PAPPA: variants seen among roughly 807,000 people sequenced by gnomAD.
The protein encoded by PAPPA is pappalysin 1, also known as pappalysin-1.
A neutral mutation model predicts 164.0 loss-of-function variants in PAPPA; 60 were observed. The ratio of observed to expected loss-of-function variants is 0.37; its 90% CI spans 0.30 to 0.45. PAPPA has a LOEUF of 0.45. PAPPA is among the 20% of genes least tolerant of loss of function. The pLI is 1.00. For missense variants in PAPPA, 1,782 were observed against 2,087.3 expected (o/e 0.85, Z 2.85); for synonymous variants, 875 against 814.1 (o/e 1.07, Z -1.27).
intron 21 of PAPPA, among the ~76,000 whole-genome samples, chr9:116,394,474 C>A (rs995887767): frequency 6.6e-6 from 1 of 152,144 alleles, no homozygotes; most frequent in African/African-American, 2.4e-5. Context: ...CAACCCAAAC[C>A]TTTTGGCTTT....
intron 7 of PAPPA, among the ~76,000 whole-genome samples, chr9:116,254,482 C>T (rs995718127): frequency 7.9e-5 from 12 of 152,092 alleles, no homozygotes; most frequent in African/African-American, 1.4e-4. Flanking sequence ...TGTGTTTACA[C>T]GTAGAAAGAT....
chr9:116,325,143 T>C (rs1436241867), intron 10 of PAPPA, among the ~76,000 whole-genome samples: 2 of 152,078 alleles, frequency 1.3e-5, no homozygotes, highest in Admixed American at 6.6e-5. Context: ...TTGTGTTGCT[T>C]TGTAATTAAG....
At chr9:116,369,102 T>C (rs1846539170) in intron 19 of PAPPA, among the ~76,000 whole-genome samples, 1 of 152,092 alleles carries the variant, frequency 6.6e-6, no homozygotes, top group Non-Finnish European at 1.5e-5. Context: ...TTTCCTCTTG[T>C]TCTGTCTTCC....
At chr9:116,276,361 A>C (rs908421475) in intron 9 of PAPPA, among the ~76,000 whole-genome samples, 3 of 152,176 alleles carry the variant, frequency 2.0e-5, no homozygotes, top group Admixed American at 2.0e-4. Context: ...GCATTACAGG[A>C]GATGCAGCTG....
intron 9 of PAPPA, chr9:116,287,342 G>A (rs188696749): frequency 1.1e-4 from 17 of 152,306 alleles, no homozygotes; most frequent in African/African-American, 3.9e-4. Context: ...TTCTGGGGGT[G>A]GGTTTCCAGG....
chr9:116,270,799 A>G (rs1845126897), intron 8 of PAPPA, among the ~76,000 whole-genome samples: 1 of 152,164 alleles, frequency 6.6e-6, no homozygotes, highest in Non-Finnish European at 1.5e-5. Flanking sequence ...CCGATGGAGA[A>G]AGCAAAACTT....
chr9:116,154,353 C>T lies in PAPPA; in HGVS notation c.181C>T (p.Pro61Ser). 2 of 837,056 alleles carry T rather than the reference C, an allele frequency of 2.4e-6. No individual in the cohort carries two copies. Among genetic ancestry groups the T allele is most frequent in the Non-Finnish European group, 2.9e-6 (2 of 692,446 alleles). The allele number at this position is 837,056 out of a possible 1,614,324, so 51.9% of individuals were successfully genotyped here. ...CCGCGGCCGCCGCGCCTCGCCGCCGCCGCCGCCGCCGCCGGGCGGTGCCTG... is the reference window on the plus strand; with the variant it reads ...CCGCGGCCGCCGCGCCTCGCCGCCGTCGCCGCCGCCGCCGGGCGGTGCCTG... ...AARGRRASPP[P>S]PPPPGGAWEA... is the part of the protein sequence containing the mutation. Residue 61 changes from proline (P) to serine (S), a missense_variant, in exon 1 of 22, where the codon CCG (proline) becomes TCG (serine). Transcript: ENST00000328252. The surrounding 1 kb of genome is among the most constrained non-coding windows in gnomAD (Gnocchi z 5.2).
At position 116,258,035 on chromosome 9, in the gene PAPPA, A is replaced by G. The variant is rs79602552; in HGVS notation, c.2733-7822A>G. Among the ~76,000 whole-genome samples the G allele has an allele frequency of 7.1e-3, 1,073 of 152,104 alleles. 7 individuals carry two copies. Among genetic ancestry groups the G allele is most frequent in the Non-Finnish European group, 0.011 (753 of 68,008 alleles). On this transcript the variant is annotated intron_variant, in intron 7 of 21. Transcript: ENST00000328252. The stretch of plus-strand genomic sequence containing the variant: ...ATATTGCTAATAAAAAATCATCACC[A>G]TTTTTATAATGAAAGCTTTAAAACT...
intron 1 of PAPPA, among the ~76,000 whole-genome samples, chr9:116,167,466 C>A (rs1299485292): frequency 6.6e-6 from 1 of 152,004 alleles, no homozygotes; most frequent in Non-Finnish European, 1.5e-5. Flanking sequence ...TAAGGAGGAC[C>A]AATTGTGCAC....
rs948287151 is a variant in PAPPA at position 116,340,997 on chromosome 9, CTTGCCCTCTCTT to C, written c.3612-3543_3612-3532del. Among the ~76,000 whole-genome samples the C allele has an allele frequency of 5.1e-4, 77 of 151,840 alleles. 1 individual carries two copies. The highest frequency in any genetic ancestry group is 1.8e-3 in the African/African-American group (74 of 41,378). ...CATTTCTCTCGCTCTTTCTCTCTCT[CTTGCCCTCTCTT>C]TTTTTATTTTTATTTTTTTGTTTTA... is the stretch of plus-strand genomic sequence containing the variant. On this transcript the variant is annotated intron_variant, in intron 13 of 21. Coordinates refer to ENST00000328252, the MANE Select transcript of PAPPA (RefSeq NM_002581.5).
chr9:116,383,434 G>A (rs900839155), intron 21 of PAPPA, among the ~76,000 whole-genome samples: 4 of 152,286 alleles, frequency 2.6e-5, no homozygotes, highest in Admixed American at 2.6e-4. Flanking sequence ...TGCCTAAAGA[G>A]CCCTCTATGA....
At chr9:116,348,556 G>A (rs1009300933) in intron 15 of PAPPA, among the ~76,000 whole-genome samples, 1 of 151,952 alleles carries the variant, frequency 6.6e-6, no homozygotes, top group African/African-American at 2.4e-5. Context: ...AGGTAAATTT[G>A]TGTCATGGAG....
intron 12 of PAPPA, among the ~76,000 whole-genome samples, chr9:116,333,827 T>A (rs1450892864): frequency 6.6e-6 from 1 of 152,106 alleles, no homozygotes; most frequent in East Asian, 1.9e-4. Context: ...TGGATCCTGG[T>A]ACTGATGCCT....
intron 1 of PAPPA, among the ~76,000 whole-genome samples, chr9:116,158,145 A>G (rs1254143793): frequency 6.6e-6 from 1 of 152,066 alleles, no homozygotes. Context: ...TCTGCTTGCC[A>G]GCCTTTTTTC....
At chr9:116,327,066 G>T (rs1044207103) in intron 10 of PAPPA, among the ~76,000 whole-genome samples, 1 of 152,154 alleles carries the variant, frequency 6.6e-6, no homozygotes, top group African/African-American at 2.4e-5. Context: ...AGAAAAACAG[G>T]TTTGAGCTCC....
intron 9 of PAPPA, among the ~76,000 whole-genome samples, chr9:116,276,575 T>C (rs1385214088): frequency 6.6e-6 from 1 of 152,190 alleles, no homozygotes; most frequent in Non-Finnish European, 1.5e-5. Context: ...CTCCGATTTG[T>C]CAAACAGCTA....
chr9:116,204,536 T>G (rs1265820340), intron 2 of PAPPA, among the ~76,000 whole-genome samples: 3 of 152,144 alleles, frequency 2.0e-5, no homozygotes, highest in Middle Eastern at 3.2e-3. Context: ...TGTCTCGGCC[T>G]CCGAAGTACT....
Position 116,308,109 on chromosome 9 carries a change from C to T in PAPPA, c.3147+5159C>T, listed in dbSNP as rs954717918. On this transcript the variant is annotated intron_variant, in intron 10 of 21. Transcript: ENST00000328252. Reference sequence around the variant, plus strand: ...AATTAAACACAGTTGCGTCAGCAAACGTTTGCTGCATCCTCAGAACTGCAG... The same window carrying T: ...AATTAAACACAGTTGCGTCAGCAAATGTTTGCTGCATCCTCAGAACTGCAG... Among the ~76,000 whole-genome samples, 5 of 152,336 alleles carry T rather than the reference C, an allele frequency of 3.3e-5. No individual in the cohort carries two copies. In the South Asian group the frequency reaches 1.0e-3, roughly 32 times the overall value.
chr9:116,382,312 A>G, intron 20 of PAPPA, 83 bp from the exon 21 acceptor site: 1 of 827,314 alleles, frequency 1.2e-6, no homozygotes, highest in Non-Finnish European at 2.1e-6. Context: ...GATGACAGAC[A>G]CCCGAAGGAC....
Sources: gnomAD v4.1 joint callset for allele counts (sites outside exome capture counted in the v4.1 genomes callset) on GRCh38, gnomAD v4.1.1 for gene constraint, Gnocchi (gnomAD v3.1) non-coding constraint, MANE v1.5 for transcripts, NCBI Gene and HGNC (gene_info 2026-07-23, HGNC 2026-07-21) for gene names.